Variants in EML6 observed in about 807,000 individuals in gnomAD.
EML6 encodes echinoderm microtubule-associated protein-like 6.
A neutral mutation model predicts 240.1 loss-of-function variants in EML6; 154 were observed. The ratio of observed to expected loss-of-function variants is 0.64; its 90% confidence interval spans 0.56 to 0.73. The LOEUF (loss-of-function observed/expected upper bound fraction) is 0.73. Ranked by LOEUF, EML6 falls within the 30% of genes least tolerant of loss-of-function variation. The pLI, the probability that EML6 is intolerant of heterozygous loss-of-function variation, is 0.00. For missense variants in EML6, 2,964 were observed against 2,474.6 expected (o/e 1.20, Z -4.20); for synonymous variants, 1,148 against 899.0 (o/e 1.28, Z -4.95).
At chr2:54,843,213 A>C (rs1333965305) in intron 7 of EML6, among the ~76,000 whole-genome samples, 1 of 152,242 alleles carries the variant, frequency 6.6e-6, no homozygotes, top group East Asian at 1.9e-4. Context: ...TTTAAAATAC[A>C]TTCTACTGTT....
chr2:54,817,817 A>AG (rs201215764), intron 4 of EML6, among the ~76,000 whole-genome samples: 2 of 152,106 alleles, frequency 1.3e-5, no homozygotes, highest in African/African-American at 4.8e-5. Flanking sequence ...AAAAAAAAAA[A>AG]GTATGAATGG....
intron 2 of EML6, among the ~76,000 whole-genome samples, chr2:54,733,548 G>A (rs1285295015): frequency 6.6e-6 from 1 of 152,152 alleles, no homozygotes; most frequent in Non-Finnish European, 1.5e-5. Flanking sequence ...TCTTGGAAGT[G>A]TCCCTGTGCA....
intron 29 of EML6, 89 bp downstream of exon 29, chr2:54,949,049 CAAATG>C (rs1201840826): frequency 1.8e-5 from 17 of 962,092 alleles, no homozygotes; most frequent in Non-Finnish European, 2.6e-5. Context: ...AAGACACAGT[CAAATG>C]AAACGGAGTA....
chr2:54,969,877 G>T (rs1676914599), intron 41 of EML6, among the ~76,000 whole-genome samples, 194 bp from the exon 42 acceptor site: 1 of 152,046 alleles, frequency 6.6e-6, no homozygotes, highest in Non-Finnish European at 1.5e-5. Flanking sequence ...GAACTCAACT[G>T]AAAAAAACAG....
intron 2 of EML6, among the ~76,000 whole-genome samples, chr2:54,776,107 T>A (rs974916): frequency 1.3e-5 from 2 of 151,880 alleles, no homozygotes; most frequent in Admixed American, 6.6e-5. Flanking sequence ...TCACAGGGGT[T>A]CAACCTGCCT....
At chr2:54,840,784 C>T (rs750605397) in intron 7 of EML6, among the ~76,000 whole-genome samples, 1 of 152,218 alleles carries the variant, frequency 6.6e-6, no homozygotes, top group African/African-American at 2.4e-5. Context: ...ACTGATAAAA[C>T]TCTCTTCACA....
chr2:54,949,370 G>C (rs1291932333), intron 29 of EML6, among the ~76,000 whole-genome samples: 1 of 152,152 alleles, frequency 6.6e-6, no homozygotes, highest in Non-Finnish European at 1.5e-5. Flanking sequence ...CTGCTCCATA[G>C]CCACGAAGCG....
intron 7 of EML6, among the ~76,000 whole-genome samples, chr2:54,835,944 C>T (rs547465212): frequency 1.3e-5 from 2 of 152,276 alleles, no homozygotes; most frequent in Admixed American, 6.5e-5. Context: ...CCCTTGTTTA[C>T]GATAGAAGCA....
chr2:54,814,887 T>C lies in EML6; in HGVS notation c.357+1496T>C, dbSNP rs544417910. ...TCATCCAGTTAGTCAGTTTAATGCA[T>C]GCATTCCCTTTTATGGCTACATAAA... On this transcript the variant is annotated intron_variant, in intron 3 of 41. Transcript: ENST00000356458. Among the ~76,000 whole-genome samples, 6 of 152,380 alleles carry C rather than the reference T, an allele frequency of 3.9e-5. No individual in the cohort carries two copies. The East Asian group carries it at 7.7e-4, about 20-fold the overall frequency.
At chr2:54,793,150 T>A (rs1669551695) in intron 2 of EML6, among the ~76,000 whole-genome samples, 1 of 152,042 alleles carries the variant, frequency 6.6e-6, no homozygotes, top group Non-Finnish European at 1.5e-5. Context: ...GCCTGTAATC[T>A]CAGCTACTAG....
chr2:54,847,757 G>GT lies in EML6; in HGVS notation c.1187+134_1187+135insT, dbSNP rs745950290. 25 of 811,770 alleles carry GT rather than the reference G, an allele frequency of 3.1e-5. 1 individual carries two copies. The highest frequency in any genetic ancestry group is 1.5e-4 in the East Asian group (3 of 20,020). 50.3% of individuals were successfully genotyped at this position (811,770 alleles called of 1,614,324 possible). Reference sequence around the variant, plus strand: ...TCAAATAGGAATACTATAGATCTACGATCCCCTATCTGTAATTCTGAAGTC... The same window carrying GT: ...TCAAATAGGAATACTATAGATCTACGTATCCCCTATCTGTAATTCTGAAGTC... On this transcript the variant is annotated intron_variant, in intron 9 of 41. Transcript: ENST00000356458.
chr2:54,922,242 A>G (rs1674293490), intron 26 of EML6, among the ~76,000 whole-genome samples: 1 of 152,246 alleles, frequency 6.6e-6, no homozygotes, highest in African/African-American at 2.4e-5. Flanking sequence ...AAAACAGGCA[A>G]ATGACTTGAA....
At chr2:54,827,029 T>C (rs1668631217) in intron 5 of EML6, among the ~76,000 whole-genome samples, 1 of 152,034 alleles carries the variant, frequency 6.6e-6, no homozygotes, top group African/African-American at 2.4e-5. Context: ...AAAAATTAGC[T>C]GAGCTTGGTG....
chr2:54,843,269 G>GA (rs562406711), intron 7 of EML6, among the ~76,000 whole-genome samples: 81 of 151,812 alleles, frequency 5.3e-4, no homozygotes, highest in African/African-American at 1.8e-3. Context: ...TCTCTAGAAA[G>GA]AAAAAAAACT....
rs1216827804 is a variant in EML6, at chr2:54,928,426, G to C, written c.3789G>C (p.Leu1263=). Residue 1263 remains leucine, a synonymous_variant, in exon 27 of 42, where the codon CTG becomes CTC. Coordinates refer to ENST00000356458, the MANE Select transcript of EML6 (RefSeq NM_001039753.4). ...LLTVGGADTA[L]MIWTREFVGT... ...CGGTGGGCGGCGCCGACACAGCCCT[G>C]ATGATCTGGACCAGGGAGTTTGTGG... The C allele has an allele frequency of 1.9e-6, 3 of 1,551,302 alleles. No homozygotes were observed. Among genetic ancestry groups the C allele is most frequent in the African/African-American group, 2.7e-5 (2 of 72,934 alleles).
At chr2:54,869,964 C>T (rs1225978879) in intron 15 of EML6, among the ~76,000 whole-genome samples, 2 of 152,080 alleles carry the variant, frequency 1.3e-5, no homozygotes, top group African/African-American at 4.8e-5. Context: ...CTTTATTAAA[C>T]ACAGATGTAT....
chr2:54,940,474 A>G (rs1675372368), intron 28 of EML6, among the ~76,000 whole-genome samples: 2 of 152,232 alleles, frequency 1.3e-5, no homozygotes, highest in Non-Finnish European at 2.9e-5. Flanking sequence ...TCACTGGATT[A>G]TAAACTGTGT....
At chr2:54,902,922 C>T (rs1673135653) in intron 22 of EML6, 122 bp from the exon 23 acceptor site, 1 of 850,910 alleles carries the variant, frequency 1.2e-6, no homozygotes, top group Non-Finnish European at 1.8e-6. Context: ...AGTGTAGTGT[C>T]AATTTAAAGG....
At chr2:54,940,724 G>T (rs1675387332) in intron 28 of EML6, among the ~76,000 whole-genome samples, 1 of 152,224 alleles carries the variant, frequency 6.6e-6, no homozygotes. Context: ...GATGGTCTTT[G>T]TGGGAAATGA....
Sources: gnomAD v4.1 joint callset for allele counts (sites outside exome capture counted in the v4.1 genomes callset) on GRCh38, gnomAD v4.1.1 for gene constraint, MANE v1.5 for transcripts, NCBI Gene and HGNC (gene_info 2026-07-23, HGNC 2026-07-21) for gene names.